AQP7B: variants seen among roughly 807,000 people sequenced by gnomAD.
AQP7B encodes aquaporin 7B.
the AQP7B span, chr2:94,602,691 A>G: frequency 7.0e-7 from 1 of 1,431,804 alleles, no homozygotes; most frequent in Non-Finnish European, 9.7e-7. Flanking sequence ...CACCTCAGCC[A>G]GCTCCTTTCC....
the AQP7B span, among the ~76,000 whole-genome samples, chr2:94,593,066 G>A: frequency 1.3e-5 from 2 of 151,686 alleles, no homozygotes; most frequent in Admixed American, 6.6e-5. Context: ...GGGCTCAAGC[G>A]ATCAGCTCGC....
the AQP7B span, among the ~76,000 whole-genome samples, chr2:94,590,186 A>C: frequency 6.6e-6 from 1 of 151,568 alleles, no homozygotes; most frequent in Non-Finnish European, 1.5e-5. Context: ...CTCAACAAAA[A>C]TTTTTTCTTT....
At chr2:94,603,485 G>A in the AQP7B span, 13 of 1,610,142 alleles carry the variant, frequency 8.1e-6, no homozygotes, top group South Asian at 6.6e-5. Context: ...ACATTGTGGC[G>A]GGGCTTCCTG....
At chr2:94,592,051 A>T in the AQP7B span, among the ~76,000 whole-genome samples, 1 of 152,138 alleles carries the variant, frequency 6.6e-6, no homozygotes, top group East Asian at 1.9e-4. Context: ...GTTGGTGGTT[A>T]TCTGTTGCTT....
the AQP7B span, chr2:94,603,678 GC>G: frequency 2.2e-6 from 3 of 1,357,202 alleles, no homozygotes; most frequent in Non-Finnish European, 3.0e-6. Context: ...TTGGGGAGGG[GC>G]CCAGGTGAGC....
chr2:94,589,078 G>A, the AQP7B span, among the ~76,000 whole-genome samples: 1 of 150,894 alleles, frequency 6.6e-6, no homozygotes, highest in African/African-American at 2.4e-5. Context: ...CTTCTCCTGG[G>A]TTCAAGTGAT....
the AQP7B span, chr2:94,594,642 G>T: frequency 3.7e-5 from 28 of 760,416 alleles, no homozygotes; most frequent in Middle Eastern, 3.4e-4. Flanking sequence ...GTGTGGCGAG[G>T]CTGCTGGGTT....
the AQP7B span, among the ~76,000 whole-genome samples, chr2:94,589,792 T>C: frequency 6.6e-6 from 1 of 151,686 alleles, no homozygotes; most frequent in South Asian, 2.1e-4. Context: ...ACAAGTCCAC[T>C]CCTCCTGTGC....
the AQP7B span, among the ~76,000 whole-genome samples, chr2:94,596,756 G>C: frequency 6.6e-6 from 1 of 152,182 alleles, no homozygotes; most frequent in Non-Finnish European, 1.5e-5. Context: ...ATGGATTGCA[G>C]TGGTACGATC....
the AQP7B span, among the ~76,000 whole-genome samples, chr2:94,596,926 C>A: frequency 6.6e-6 from 1 of 152,138 alleles, no homozygotes; most frequent in African/African-American, 2.4e-5. Context: ...TCTCGAACTC[C>A]CGAATTCAGG....
At chr2:94,589,293 G>A in the AQP7B span, among the ~76,000 whole-genome samples, 1 of 151,958 alleles carries the variant, frequency 6.6e-6, no homozygotes, top group African/African-American at 2.4e-5. Context: ...ACAGGTGTGA[G>A]CCACTGCACC....
chr2:94,603,358 C>G, the AQP7B span: 1 of 1,587,388 alleles, frequency 6.3e-7, no homozygotes, highest in Non-Finnish European at 8.6e-7. Context: ...GGGGCAGGTT[C>G]GCATGATAGT....
the AQP7B span, among the ~76,000 whole-genome samples, chr2:94,589,582 T>C: frequency 1.2e-4 from 18 of 152,274 alleles, no homozygotes; most frequent in East Asian, 2.9e-3. Flanking sequence ...ACTTATTACA[T>C]TTCATTGCTG....
At chr2:94,596,036 C>A in the AQP7B span, among the ~76,000 whole-genome samples, 1 of 152,158 alleles carries the variant, frequency 6.6e-6, no homozygotes, top group African/African-American at 2.4e-5. Flanking sequence ...TGAGAAGGAA[C>A]GGTCAGAGAG....
At chr2:94,594,830 T>C in the AQP7B span, 2 of 1,559,132 alleles carry the variant, frequency 1.3e-6, no homozygotes, top group South Asian at 2.2e-5. Flanking sequence ...AGGAAGATGG[T>C]GCGAGAGTTC....
the AQP7B span, chr2:94,602,738 G>T: frequency 1.1e-5 from 12 of 1,068,238 alleles, no homozygotes; most frequent in Admixed American, 2.4e-4. Context: ...CACCGGGCAG[G>T]AGGAAGTCTC....
the AQP7B span, chr2:94,594,720 C>A: frequency 6.7e-7 from 1 of 1,489,226 alleles, no homozygotes; most frequent in South Asian, 1.1e-5. Flanking sequence ...CCTTTCTGTC[C>A]CTGGGCTCGG....
At chr2:94,597,979 C>T in the AQP7B span, among the ~76,000 whole-genome samples, 3 of 152,264 alleles carry the variant, frequency 2.0e-5, no homozygotes, top group South Asian at 2.1e-4. Context: ...TAAAGACTGG[C>T]TTGTTAATGC....
the AQP7B span, among the ~76,000 whole-genome samples, chr2:94,601,330 G>C: frequency 1.3e-5 from 2 of 152,198 alleles, no homozygotes; most frequent in African/African-American, 2.4e-5. Flanking sequence ...TGAGGAGCAG[G>C]TGTGCTGTGA....
Sources: allele counts gnomAD v4.1 joint callset (sites outside exome capture counted in the v4.1 genomes callset), GRCh38; gene constraint gnomAD v4.1.1; transcripts MANE v1.5; gene names NCBI Gene and HGNC (gene_info 2026-07-23, HGNC 2026-07-21).